Variants in TK1 observed in about 807,000 individuals in gnomAD.
TK1 encodes thymidine kinase 1, also known as thymidine kinase, cytosolic.
Under a neutral mutation model 22.4 loss-of-function variants are expected in TK1, and 13 were observed. The observed-to-expected ratio is 0.58, with a 90% confidence interval of 0.38 to 0.92. The LOEUF is 0.92. TK1 is among the 40% of genes least tolerant of loss of function. The pLI, the probability that TK1 is intolerant of heterozygous loss-of-function variation, is 0.00. For missense variants in TK1, 251 were observed against 315.7 expected, an observed-to-expected ratio of 0.80 and a Z score of 1.55; for synonymous variants, 134 against 125.4, an observed-to-expected ratio of 1.07 and a Z score of -0.46.
rs185751533 is a variant in TK1, at chr17:78,177,866, G to A, written c.304-2248C>T. On this transcript the variant is annotated intron_variant, in intron 4 of 6. Transcript: ENST00000301634. ...TGGGATTACAGGCATGAGCCACTGC[G>A]CCTGGCTTTGTCTATTTTTTTTGAG... Among the ~76,000 whole-genome samples, 1,263 of 150,342 alleles carry A rather than the reference G, an allele frequency of 8.4e-3. 24 individuals carry two copies. Among genetic ancestry groups the A allele is most frequent in the African/African-American group, 0.029 (1,166 of 40,804 alleles).
rs78539796 is a variant in TK1 at position 78,182,144 on chromosome 17, C to T, written c.303+445G>A. Among the ~76,000 whole-genome samples the T allele has an allele frequency of 3.6e-4, 55 of 152,114 alleles. 1 individual carries two copies. The East Asian group carries it at 9.3e-3, about 26-fold the overall frequency. On this transcript the variant is annotated intron_variant, in intron 4 of 6. Coordinates refer to ENST00000301634, the MANE Select transcript of TK1 (RefSeq NM_003258.5). Reference sequence around the variant, plus strand: ...ATCCCAGCGCTTTGGGAGTTCAAGGCGGGGCGGATCACCTGAGGTTGGGAG... The same window carrying T: ...ATCCCAGCGCTTTGGGAGTTCAAGGTGGGGCGGATCACCTGAGGTTGGGAG...
chr17:78,179,444 C>T (rs938589332), intron 4 of TK1: 1 of 985,338 alleles, frequency 1.0e-6, no homozygotes, highest in Non-Finnish European at 1.2e-6. Flanking sequence ...AATGGCCATA[C>T]CCAAGCGGGG....
intron 4 of TK1, chr17:78,179,832 G>T: frequency 1.2e-6 from 1 of 819,928 alleles, no homozygotes; most frequent in Non-Finnish European, 1.5e-6. Context: ...CACTTTGGGA[G>T]GCTGAGGCAG....
At position 78,174,906 on chromosome 17, in the gene TK1, C is replaced by A. The variant is rs2075686720; in HGVS notation, c.558G>T (p.Arg186=). 6.2e-7 allele frequency: 1 copy of A among 1,613,908 alleles called. No homozygotes were observed. The highest frequency in any genetic ancestry group is 2.2e-5 in the East Asian group (1 of 44,870). ...GGADKYHSVC[R]LCYFKKASGQ... Reference sequence around the variant, plus strand: ...CTGAGGCCTTCTTGAAGTAGCAGAGCCGACACACGGAGTGGTACTTGTCTG... The same window carrying A: ...CTGAGGCCTTCTTGAAGTAGCAGAGACGACACACGGAGTGGTACTTGTCTG... The change falls in exon 7 of 7, where the codon CGG becomes CGT. Residue 186 remains arginine (R), a synonymous_variant. Coordinates refer to ENST00000301634, the MANE Select transcript of TK1 (RefSeq NM_003258.5).
At position 78,187,033 on chromosome 17, in the gene TK1, AG is replaced by A; in HGVS notation, c.-40del. On this transcript the variant is annotated 5_prime_UTR_variant, in exon 1 of 7. Coordinates refer to ENST00000301634, the MANE Select transcript of TK1 (RefSeq NM_003258.5). Reference sequence around the variant, plus strand: ...AGTTCACGAACCCGAGTACTCTCCAAGGCCGTCCCGCAGTAAGCCCCTGGTT... The same window carrying A: ...AGTTCACGAACCCGAGTACTCTCCAAGCCGTCCCGCAGTAAGCCCCTGGTT... The A allele has an allele frequency of 6.3e-7, 1 of 1,584,328 alleles. No homozygotes were observed. Among genetic ancestry groups the A allele is most frequent in the East Asian group, 2.3e-5 (1 of 43,002 alleles).
intron 4 of TK1, chr17:78,179,025 G>T: frequency 2.8e-6 from 1 of 352,594 alleles, no homozygotes. Context: ...ACAGGGGACA[G>T]GACTTCATAC....
intron 3 of TK1, among the ~76,000 whole-genome samples, chr17:78,183,575 C>T (rs773185865): frequency 3.9e-5 from 6 of 152,066 alleles, no homozygotes; most frequent in Admixed American, 1.3e-4. Flanking sequence ...CCTGTAGTCC[C>T]ACCTGCTCAG....
chr17:78,183,588 G>A lies in TK1; in HGVS notation c.210-906C>T, dbSNP rs147652865. 5.0e-4 allele frequency among the ~76,000 whole-genome samples: 76 copies of A among 152,202 alleles called. No individual in the cohort carries two copies. The East Asian group carries it at 0.012, about 24-fold the overall frequency. On this transcript the variant is annotated intron_variant, in intron 3 of 6. Coordinates refer to ENST00000301634, the MANE Select transcript of TK1 (RefSeq NM_003258.5). ...CGCCTGTAGTCCCACCTGCTCAGGG[G>A]GCTGAGGTGGGACGATCACTTGAGC...
intron 4 of TK1, chr17:78,179,209 GCTT>G: frequency 1.0e-6 from 1 of 985,436 alleles, no homozygotes; most frequent in Non-Finnish European, 1.2e-6. Flanking sequence ...CAAAGCTGAA[GCTT>G]CCTTGTTCTG....
In TK1 at chr17:78,175,581, T is replaced by C; in HGVS notation, c.341A>G (p.Asn114Ser). 1 of 1,613,802 alleles carries C rather than the reference T, an allele frequency of 6.2e-7. No individual in the cohort carries two copies. ...DIVEFCEAMA[N>S]AGKTVIVAAL... ...AGCCACAATTACGGTCTTCCCGGCG[T>C]TGGCCATGGCCTCGCAGAACTCCAC... Residue 114 changes from asparagine to serine, a missense_variant, in exon 5 of 7, where the codon AAC becomes AGC. Coordinates refer to ENST00000301634, the MANE Select transcript of TK1 (RefSeq NM_003258.5).
At position 78,175,535 on chromosome 17, in the gene TK1, C is replaced by G; in HGVS notation, c.387G>C (p.Gln129His). 6.2e-7 allele frequency: 1 copy of G among 1,613,262 alleles called. No homozygotes were observed. The highest frequency in any genetic ancestry group is 1.3e-5 in the African/African-American group (1 of 75,022). ...VIVAALDGTF[Q>H]RKPFGAILNL... is the part of the protein sequence containing the mutation. ...CCTGGATCAGACGCCTTACCTTCCT[C>G]TGGAAGGTCCCATCCAGTGCAGCCA... is the stretch of plus-strand genomic sequence containing the variant. The change falls in exon 5 of 7, where the codon CAG (glutamine) becomes CAC (histidine). Residue 129 changes from glutamine to histidine, a missense_variant. Coordinates refer to ENST00000301634, the MANE Select transcript of TK1 (RefSeq NM_003258.5).
chr17:78,176,205 T>C (rs909057897), intron 4 of TK1, among the ~76,000 whole-genome samples: 3 of 151,682 alleles, frequency 2.0e-5, no homozygotes, highest in African/African-American at 7.2e-5. Flanking sequence ...CACAGCCTTC[T>C]AAATTCAGGA....
Position 78,175,148 on chromosome 17 carries a change from G to A in TK1, c.415C>T (p.Leu139=). 6.2e-7 allele frequency: 1 copy of A among 1,611,738 alleles called. No homozygotes were observed. The highest frequency in any genetic ancestry group is 8.5e-7 in the Non-Finnish European group (1 of 1,179,776). The part of the protein sequence containing the change: ...QRKPFGAILN[L]VPLAESVVKL... ...ACCACGCTCTCGGCCAGCGGCACCA[G>A]GTTCAGGATGGCCCCAAATGGCTGC... Residue 139 remains leucine (L), a synonymous_variant, in exon 6 of 7, where the codon CTG becomes TTG. Transcript: ENST00000301634.
At chr17:78,185,384 C>G (rs1248661491) in intron 2 of TK1, among the ~76,000 whole-genome samples, 1 of 152,074 alleles carries the variant, frequency 6.6e-6, no homozygotes, top group Non-Finnish European at 1.5e-5. Flanking sequence ...GAATGGTACT[C>G]AGGTGGTCCC....
intron 4 of TK1, among the ~76,000 whole-genome samples, chr17:78,181,537 CAAA>C (rs34860308): frequency 3.3e-5 from 4 of 122,786 alleles, no homozygotes; most frequent in Non-Finnish European, 1.7e-5. Flanking sequence ...GACTCCGTCT[CAAA>C]AAAAAAAAAA....
intron 4 of TK1, among the ~76,000 whole-genome samples, 164 bp from the exon 5 acceptor site, chr17:78,175,782 C>T (rs550624367): frequency 1.6e-4 from 24 of 152,262 alleles, no homozygotes; most frequent in African/African-American, 4.8e-4. Context: ...TGTGTCCACC[C>T]GCACGCCCCC....
upstream of TK1, chr17:78,187,141 C>T (rs752682567): frequency 4.0e-6 from 4 of 1,000,822 alleles, no homozygotes; most frequent in African/African-American, 1.6e-5. Context: ...AGCGCCCGGC[C>T]GCTGACCTGG....
Position 78,185,146 on chromosome 17 carries a change from C to T in TK1, c.118G>A (p.Val40Ile), listed in dbSNP as rs138558637. The stretch of plus-strand genomic sequence containing the variant: ...TACTGAGCAATCTGGAAGCGACGGA[C>T]GCGTCTCATCAACTCTGTGCTGCAA... ...SGKSTELMRR[V>I]RRFQIAQYKC... Residue 40 changes from valine (V) to isoleucine (I), a missense_variant, in exon 3 of 7, where the codon GTC (valine) becomes ATC (isoleucine). Coordinates refer to ENST00000301634, the MANE Select transcript of TK1 (RefSeq NM_003258.5). The T allele has an allele frequency of 1.9e-6, 3 of 1,612,172 alleles. No individual in the cohort carries two copies. The highest frequency in any genetic ancestry group is 1.1e-5 in the South Asian group (1 of 90,950).
chr17:78,177,699 G>C (rs193108754), intron 4 of TK1, among the ~76,000 whole-genome samples: 2 of 149,560 alleles, frequency 1.3e-5, no homozygotes, highest in Non-Finnish European at 3.0e-5. Context: ...TCAGCCTCCC[G>C]AGTAGCTGAG....
Sources: gnomAD v4.1 joint callset for allele counts (sites outside exome capture counted in the v4.1 genomes callset) on GRCh38, gnomAD v4.1.1 for gene constraint, MANE v1.5 for transcripts, NCBI Gene and HGNC (gene_info 2026-07-23, HGNC 2026-07-21) for gene names.